Variants in MAP2K4 observed in about 807,000 individuals in gnomAD.
MAP2K4 encodes dual specificity mitogen-activated protein kinase kinase 4.
In MAP2K4, 4 loss-of-function variants were observed where a neutral mutation model predicts 48.5. That is an observed-to-expected ratio of 0.08 (90% CI 0.04 to 0.19). The LOEUF (loss-of-function observed/expected upper bound fraction) is 0.19, where lower values mean the gene tolerates loss of function less well. Among genes scored for constraint, MAP2K4 ranks in the 10% least tolerant of loss-of-function variants. The pLI, the probability that MAP2K4 is intolerant of heterozygous loss-of-function variation, is 1.00. For synonymous variants in MAP2K4, 166 were observed against 173.1 expected, an observed-to-expected ratio of 0.96 and a Z score of 0.32; for missense variants, 258 against 493.3, an observed-to-expected ratio of 0.52 and a Z score of 4.52.
In MAP2K4 at chr17:12,020,878, C is replaced by A. The variant is rs62060968; in HGVS notation, c.-9C>A. The stretch of plus-strand genomic sequence containing the variant: ...CGCCGCGGCGCCGCTCGGCTCTTCA[C>A]TCCCAACAATGGCGGCTCCGAGCCC... On this transcript the variant is annotated 5_prime_UTR_variant, in exon 1 of 11. Coordinates refer to ENST00000353533, the MANE Select transcript of MAP2K4 (RefSeq NM_003010.4). 8.4e-7 allele frequency: 1 copy of A among 1,190,026 alleles called. No individual in the cohort carries two copies. Among genetic ancestry groups the A allele is most frequent in the Non-Finnish European group, 1.0e-6 (1 of 955,048 alleles). 73.7% of individuals were successfully genotyped at this position (1,190,026 alleles called of 1,614,324 possible).
intron 2 of MAP2K4, among the ~76,000 whole-genome samples, chr17:12,060,488 C>T (rs1305884180): frequency 6.6e-6 from 1 of 152,148 alleles, no homozygotes; most frequent in Non-Finnish European, 1.5e-5. Context: ...GCGTTGTCTG[C>T]CTTCATTCCC....
At chr17:12,090,950 T>C (rs1036777022) in intron 3 of MAP2K4, among the ~76,000 whole-genome samples, 1 of 152,166 alleles carries the variant, frequency 6.6e-6, no homozygotes, top group Non-Finnish European at 1.5e-5. Flanking sequence ...CCGATGTTAG[T>C]TTTATTGCTA....
chr17:12,115,907 G>A (rs1972477473), intron 7 of MAP2K4: 3 of 580,204 alleles, frequency 5.2e-6, no homozygotes, highest in South Asian at 1.6e-5. Context: ...TCCAGCCTGT[G>A]ACCTTCCTCC....
At chr17:12,121,710 T>G (rs1972698556) in intron 7 of MAP2K4, among the ~76,000 whole-genome samples, 1 of 152,226 alleles carries the variant, frequency 6.6e-6, no homozygotes, top group Non-Finnish European at 1.5e-5. Context: ...TCTCGCATTC[T>G]TATAATATCT....
At chr17:12,029,049 C>T (rs1000505845) in intron 1 of MAP2K4, among the ~76,000 whole-genome samples, 4 of 152,086 alleles carry the variant, frequency 2.6e-5, no homozygotes, top group Admixed American at 2.6e-4. Flanking sequence ...ACACCATTTG[C>T]TTTTTGTTTT....
chr17:12,087,386 T>G (rs772248651), intron 3 of MAP2K4, among the ~76,000 whole-genome samples: 11 of 152,124 alleles, frequency 7.2e-5, no homozygotes, highest in Non-Finnish European at 1.2e-4. Flanking sequence ...CATTGTTTCT[T>G]TAAATGTGGA....
At chr17:12,102,039 G>C (rs1286207284) in intron 4 of MAP2K4, among the ~76,000 whole-genome samples, 3 of 152,002 alleles carry the variant, frequency 2.0e-5, no homozygotes, top group Admixed American at 6.6e-5. Flanking sequence ...TCAGTATGCT[G>C]TTGAGTAGAT....
intron 1 of MAP2K4, among the ~76,000 whole-genome samples, chr17:12,021,729 AG>A (rs1462752731): frequency 8.9e-5 from 10 of 112,602 alleles, no homozygotes; most frequent in African/African-American, 2.5e-4. Flanking sequence ...CATTGCGTGC[AG>A]GAAGAAAAAA....
chr17:12,095,052 G>T (rs1230929655), intron 3 of MAP2K4, among the ~76,000 whole-genome samples: 3 of 152,146 alleles, frequency 2.0e-5, no homozygotes, highest in Non-Finnish European at 2.9e-5. Context: ...TCCTATACTA[G>T]TATTCACTTT....
chr17:12,126,463 G>A (rs554329107), intron 8 of MAP2K4, among the ~76,000 whole-genome samples: 9 of 152,316 alleles, frequency 5.9e-5, no homozygotes, highest in African/African-American at 2.2e-4. Flanking sequence ...GGAAGTCCAA[G>A]ATCAAGGCAC....
chr17:12,112,504 G>A (rs1027999050), intron 6 of MAP2K4, among the ~76,000 whole-genome samples: 6 of 149,954 alleles, frequency 4.0e-5, no homozygotes, highest in Non-Finnish European at 8.9e-5. Context: ...GGTTAGGAAT[G>A]GATGTTTGAT....
chr17:12,120,878 T>C (rs1972665649), intron 7 of MAP2K4, among the ~76,000 whole-genome samples: 1 of 152,192 alleles, frequency 6.6e-6, no homozygotes, highest in Non-Finnish European at 1.5e-5. Context: ...TTGTAGCTGT[T>C]TGTTGTAGCT....
At chr17:12,056,728 A>G (rs1403880307) in intron 2 of MAP2K4, among the ~76,000 whole-genome samples, 1 of 152,112 alleles carries the variant, frequency 6.6e-6, no homozygotes, top group Non-Finnish European at 1.5e-5. Flanking sequence ...GAACAACATT[A>G]TCTCCTCTAC....
At chr17:12,069,798 C>G (rs945478958) in intron 2 of MAP2K4, 1 of 777,682 alleles carries the variant, frequency 1.3e-6, no homozygotes. Context: ...CAGTATTCAT[C>G]TAGAGATCGT....
intron 1 of MAP2K4, chr17:12,021,572 G>C (rs1969058199): frequency 6.9e-6 from 1 of 144,424 alleles, no homozygotes; most frequent in African/African-American, 2.5e-5. Context: ...CTTGGAACCT[G>C]CGTTTTCAAA....
Position 12,095,570 on chromosome 17 carries a change from T to C in MAP2K4, c.394-5T>C, listed in dbSNP as rs1354804115. The C allele has an allele frequency of 6.2e-7, 1 of 1,613,648 alleles. No individual in the cohort carries two copies. Among genetic ancestry groups the C allele is most frequent in the East Asian group, 2.2e-5 (1 of 44,808 alleles). On this transcript the variant is annotated splice_region_variant and splice_polypyrimidine_tract_variant and intron_variant, in intron 3 of 10. Transcript: ENST00000353533. ...TTTTTGACATCTTTTGTCATTCTTT[T>C]CCAGAGAATTCGGTCAACAGTGGAT...
chr17:12,091,474 T>C (rs552429832), intron 3 of MAP2K4, among the ~76,000 whole-genome samples: 1 of 152,304 alleles, frequency 6.6e-6, no homozygotes, highest in African/African-American at 2.4e-5. Context: ...GCCTAATCCA[T>C]ACAGAACTCC....
At chr17:12,036,681 T>A (rs966146290) in intron 1 of MAP2K4, 1 of 150,488 alleles carries the variant, frequency 6.6e-6, no homozygotes, top group Non-Finnish European at 1.5e-5. Context: ...GAAGTTGAAT[T>A]TACCTTAGTG....
At chr17:12,098,750 G>C (rs972335238) in intron 4 of MAP2K4, among the ~76,000 whole-genome samples, 1 of 151,912 alleles carries the variant, frequency 6.6e-6, no homozygotes, top group African/African-American at 2.4e-5. Flanking sequence ...TTCAATTCCT[G>C]TTACTGTGAG....
Sources: gnomAD v4.1 joint callset for allele counts (sites outside exome capture counted in the v4.1 genomes callset) on GRCh38, gnomAD v4.1.1 for gene constraint, MANE v1.5 for transcripts, NCBI Gene and HGNC (gene_info 2026-07-23, HGNC 2026-07-21) for gene names.